The following CMIP variants were observed in gnomAD, a reference collection of about 807,000 sequenced individuals.
CMIP encodes C-Maf-inducing protein.
CMIP carries 13 observed loss-of-function variants against 97.3 expected under a neutral mutation model. That is an observed-to-expected ratio of 0.13 (90% confidence interval 0.09 to 0.21). The LOEUF (loss-of-function observed/expected upper bound fraction) is 0.21. CMIP is among the 10% of genes least tolerant of loss of function. The pLI is 1.00. For synonymous variants in CMIP, 538 were observed against 436.3 expected, an observed-to-expected ratio of 1.23 and a Z score of -2.91; for missense variants, 847 against 1,024.9, an observed-to-expected ratio of 0.83 and a Z score of 2.37.
At chr16:81,590,278 C>T (rs2091447126) in intron 1 of CMIP, among the ~76,000 whole-genome samples, 1 of 152,196 alleles carries the variant, frequency 6.6e-6, no homozygotes. Context: ...TCGTCTCAAC[C>T]TCTTTTCCTG....
chr16:81,468,067 C>G (rs1006399424), intron 1 of CMIP, among the ~76,000 whole-genome samples: 1 of 152,060 alleles, frequency 6.6e-6, no homozygotes, highest in African/African-American at 2.4e-5. Context: ...TCCTTTGTTT[C>G]TAATGTGGGG....
chr16:81,686,816 A>C, intron 10 of CMIP, among the ~76,000 whole-genome samples: 1 of 152,148 alleles, frequency 6.6e-6, no homozygotes, highest in East Asian at 1.9e-4. Context: ...TATGTAAGGC[A>C]CAGTTAGACA....
intron 3 of CMIP, among the ~76,000 whole-genome samples, chr16:81,626,629 G>A (rs2092070355): frequency 6.8e-6 from 1 of 147,016 alleles, no homozygotes; most frequent in Admixed American, 6.7e-5. Context: ...GTGGTGTGTG[G>A]GTGGCTTATG....
intron 1 of CMIP, among the ~76,000 whole-genome samples, chr16:81,445,959 A>C (rs1277932745): frequency 6.9e-6 from 1 of 145,302 alleles, no homozygotes; most frequent in Non-Finnish European, 1.5e-5. Flanking sequence ...ACCACCCCTC[A>C]GATTTAAAAA....
chr16:81,513,624 G>A (rs923053036), intron 1 of CMIP, among the ~76,000 whole-genome samples: 3 of 152,222 alleles, frequency 2.0e-5, no homozygotes, highest in Non-Finnish European at 2.9e-5. Context: ...CCCCCGGTCC[G>A]TTCTGGCCTG....
intron 1 of CMIP, among the ~76,000 whole-genome samples, chr16:81,558,821 G>C (rs958383305): frequency 6.6e-6 from 1 of 152,224 alleles, no homozygotes; most frequent in African/African-American, 2.4e-5. Flanking sequence ...GAGAGTGGCT[G>C]CGCACAGTAG....
Position 81,477,395 on chromosome 16 carries a change from A to T in CMIP, c.300+31854A>T, listed in dbSNP as rs1175942142. 2.0e-5 allele frequency among the ~76,000 whole-genome samples: 3 copies of T among 152,332 alleles called. No homozygotes were observed. The East Asian group carries it at 5.8e-4, about 29-fold the overall frequency. On this transcript the variant is annotated intron_variant, in intron 1 of 20. Transcript: ENST00000537098. The stretch of plus-strand genomic sequence containing the variant: ...AGGCTCGTCTCGAACTCCTGGCCTC[A>T]GTTGATCTGCCTGCCTTGGCCTCCC...
At chr16:81,461,436 C>G (rs189105702) in intron 1 of CMIP, among the ~76,000 whole-genome samples, 1 of 152,332 alleles carries the variant, frequency 6.6e-6, no homozygotes, top group East Asian at 1.9e-4. Context: ...TTGCCTTGAC[C>G]GTGGTAGACA....
In CMIP at chr16:81,703,926, C is replaced by T. The variant is rs562057450; in HGVS notation, c.1945-13C>T. 3.8e-5 allele frequency: 60 copies of T among 1,588,134 alleles called. 1 individual carries two copies. Among genetic ancestry groups the T allele is most frequent in the African/African-American group, 1.7e-4 (13 of 74,310 alleles). ...CAGCAGCACCCTCAGGCCTCTCCCC[C>T]GTCTGCCCGCAGGACGCTGACTTGG... On this transcript the variant is annotated splice_polypyrimidine_tract_variant and intron_variant, in intron 17 of 20. Coordinates refer to ENST00000537098, the MANE Select transcript of CMIP (RefSeq NM_198390.3).
chr16:81,490,977 A>G (rs1302144225), intron 1 of CMIP, among the ~76,000 whole-genome samples: 3 of 152,040 alleles, frequency 2.0e-5, no homozygotes, highest in African/African-American at 7.3e-5. Context: ...TGGAGGCTCC[A>G]AGGGGTCCAG....
chr16:81,551,458 G>T (rs1210113165), intron 1 of CMIP, among the ~76,000 whole-genome samples: 1 of 152,236 alleles, frequency 6.6e-6, no homozygotes, highest in Non-Finnish European at 1.5e-5. Flanking sequence ...GGACCTGGCT[G>T]AGAAGCAGAA....
intron 1 of CMIP, among the ~76,000 whole-genome samples, chr16:81,501,379 GC>G: frequency 6.6e-6 from 1 of 152,322 alleles, no homozygotes; most frequent in African/African-American, 2.4e-5. Flanking sequence ...CCCCTCTTTG[GC>G]CCCAGGGGGA....
intron 1 of CMIP, among the ~76,000 whole-genome samples, chr16:81,538,848 C>T (rs1048269057): frequency 9.2e-5 from 14 of 151,732 alleles, no homozygotes; most frequent in Non-Finnish European, 1.9e-4. Context: ...CAAGTTGATT[C>T]TAAGGTCATT....
At chr16:81,502,987 C>T (rs1462716759) in intron 1 of CMIP, among the ~76,000 whole-genome samples, 4 of 152,242 alleles carry the variant, frequency 2.6e-5, no homozygotes, top group Middle Eastern at 3.4e-3. Context: ...TGCGTGATGT[C>T]GTGGGATGTG....
At position 81,583,560 on chromosome 16, in the gene CMIP, C is replaced by T. The variant is rs549513538; in HGVS notation, c.301-24007C>T. On this transcript the variant is annotated intron_variant, in intron 1 of 20. Coordinates refer to ENST00000537098, the MANE Select transcript of CMIP (RefSeq NM_198390.3). ...ACTTGTCAATAGAGTTTCTCACGGCCGGGTCACAGACGTGGAGGGAGTGAC... is the reference window on the plus strand; with the variant it reads ...ACTTGTCAATAGAGTTTCTCACGGCTGGGTCACAGACGTGGAGGGAGTGAC... Among the ~76,000 whole-genome samples, 26 of 152,288 alleles carry T rather than the reference C, an allele frequency of 1.7e-4. No homozygotes were observed. In the South Asian group the frequency reaches 2.9e-3, roughly 17 times the overall value.
At chr16:81,576,219 C>T (rs1428611028) in intron 1 of CMIP, among the ~76,000 whole-genome samples, 1 of 152,110 alleles carries the variant, frequency 6.6e-6, no homozygotes, top group Admixed American at 6.5e-5. Flanking sequence ...CCCTGGCCAA[C>T]ATGGTGAAAC....
chr16:81,694,292 C>G (rs748227269), intron 13 of CMIP, among the ~76,000 whole-genome samples: 2 of 152,172 alleles, frequency 1.3e-5, no homozygotes, highest in Non-Finnish European at 2.9e-5. Context: ...TGGTAGCGCC[C>G]TAACTCCCAG....
intron 1 of CMIP, among the ~76,000 whole-genome samples, chr16:81,510,325 T>A (rs754197306): frequency 5.9e-5 from 9 of 152,164 alleles, no homozygotes; most frequent in Non-Finnish European, 1.3e-4. Flanking sequence ...GCCGCCCTCA[T>A]CACTTCATCA....
chr16:81,626,788 A>AGT (rs1035341441), intron 3 of CMIP, among the ~76,000 whole-genome samples: 1,193 of 63,126 alleles, frequency 0.019, 21 homozygotes, highest in African/African-American at 0.048. Flanking sequence ...AGAGAGAGAG[A>AGT]GTGTGTGTGT....
Sources: gnomAD v4.1 joint callset for allele counts (sites outside exome capture counted in the v4.1 genomes callset) on GRCh38, gnomAD v4.1.1 for gene constraint, MANE v1.5 for transcripts, NCBI Gene and HGNC (gene_info 2026-07-23, HGNC 2026-07-21) for gene names.